Variants in SIRT2 observed in about 807,000 individuals in gnomAD.
The protein encoded by SIRT2 is NAD-dependent protein deacetylase sirtuin-2.
In SIRT2, 40 loss-of-function variants were observed where a neutral mutation model predicts 57.4. That is an observed-to-expected ratio of 0.70 (90% CI 0.54 to 0.91). SIRT2 has a LOEUF of 0.91. SIRT2 is among the 40% of genes least tolerant of loss of function. SIRT2 has a pLI of 0.00. For missense variants in SIRT2, 439 were observed against 510.4 expected (o/e 0.86, Z 1.35); for synonymous variants, 161 against 195.7 (o/e 0.82, Z 1.48).
Position 38,899,615 on chromosome 19 carries a change from G to T in SIRT2, c.-94C>A. On this transcript the variant is annotated 5_prime_UTR_variant, in exon 1 of 16. Coordinates refer to ENST00000249396, the MANE Select transcript of SIRT2 (RefSeq NM_012237.4). ...TCACCGACTGCTCTGTCCTGTCACC[G>T]ACTGCTCTGTCCCGTGACGGCACCA... is the stretch of plus-strand genomic sequence containing the variant. 6.5e-7 allele frequency: 1 copy of T among 1,538,522 alleles called. No homozygotes were observed. Among genetic ancestry groups the T allele is most frequent in the South Asian group, 1.1e-5 (1 of 89,040 alleles).
At chr19:38,885,412 T>G (rs879901904) in intron 8 of SIRT2, among the ~76,000 whole-genome samples, 2 of 150,322 alleles carry the variant, frequency 1.3e-5, no homozygotes, top group African/African-American at 2.5e-5. Flanking sequence ...GCCACTGTTT[T>G]CTTTTCTTTT....
chr19:38,879,982 T>C (rs1429785259), intron 13 of SIRT2: 8 of 425,456 alleles, frequency 1.9e-5, no homozygotes, highest in Non-Finnish European at 3.0e-5. Flanking sequence ...CCCAGCACCA[T>C]GCCCGGCTAA....
intron 8 of SIRT2, among the ~76,000 whole-genome samples, chr19:38,884,153 G>A (rs1254273011): frequency 6.8e-6 from 1 of 147,994 alleles, no homozygotes; most frequent in African/African-American, 2.5e-5. Flanking sequence ...AAATATCTAT[G>A]AGGCCAGGCC....
At chr19:38,888,589 C>G (rs1249359087) in intron 8 of SIRT2, among the ~76,000 whole-genome samples, 2 of 152,136 alleles carry the variant, frequency 1.3e-5, no homozygotes, top group Non-Finnish European at 2.9e-5. Context: ...CTGACGTGTA[C>G]GAGACATGTT....
rs775550187 is a variant in SIRT2, at chr19:38,880,704, TTGA to T, written c.854_856del (p.Ile285del). On this transcript the variant is annotated inframe_deletion, in exon 13 of 16. Coordinates refer to ENST00000249396, the MANE Select transcript of SIRT2 (RefSeq NM_012237.4). The surrounding 1 kb of genome is among the most constrained non-coding windows in gnomAD (Gnocchi z 4.1). ...TCTTACCTGGCCAGCTTTCTCCTTGTTGATGAGCAGGCGAGGGGTGGAGAGGGG... is the reference window on the plus strand; with the variant it reads ...TCTTACCTGGCCAGCTTTCTCCTTGTTGAGCAGGCGAGGGGTGGAGAGGGG... 2.2e-4 allele frequency: 343 copies of T among 1,580,628 alleles called. No individual in the cohort carries two copies. The highest frequency in any genetic ancestry group is 2.9e-4 in the Non-Finnish European group (341 of 1,160,570).
At chr19:38,894,620 C>T (rs1183727408) in intron 2 of SIRT2, among the ~76,000 whole-genome samples, 1 of 152,122 alleles carries the variant, frequency 6.6e-6, no homozygotes, top group Non-Finnish European at 1.5e-5. Flanking sequence ...AATAATGTCC[C>T]AAGTCACTCT....
Position 38,880,488 on chromosome 19 carries a change from T to A in SIRT2, c.876+197A>T, listed in dbSNP as rs1973112473. 1 of 513,198 alleles carries A rather than the reference T, an allele frequency of 1.9e-6. No individual in the cohort carries two copies. Among genetic ancestry groups the A allele is most frequent in the African/African-American group, 1.9e-5 (1 of 52,188 alleles). 31.8% of individuals were successfully genotyped at this position (513,198 alleles called of 1,614,324 possible). ...CTATCTGGCTTCAGCTGGTTTGAGT[T>A]GGAATTCTATCACTTGCTCAAAAGG... On this transcript the variant is annotated intron_variant, in intron 13 of 15. Coordinates refer to ENST00000249396, the MANE Select transcript of SIRT2 (RefSeq NM_012237.4). The surrounding 1 kb of genome is among the most constrained non-coding windows in gnomAD (Gnocchi z 4.1).
At chr19:38,889,403 C>A in intron 7 of SIRT2, 1 of 697,058 alleles carries the variant, frequency 1.4e-6, no homozygotes. Flanking sequence ...ACCCAGGCAG[C>A]CCGGCTGCAG....
At chr19:38,889,405 C>T (rs574854788) in intron 7 of SIRT2, 4 of 695,954 alleles carry the variant, frequency 5.7e-6, no homozygotes, top group African/African-American at 1.8e-5. Context: ...CCAGGCAGCC[C>T]GGCTGCAGGG....
At chr19:38,885,385 G>T (rs909585655) in intron 8 of SIRT2, among the ~76,000 whole-genome samples, 1 of 151,402 alleles carries the variant, frequency 6.6e-6, no homozygotes, top group African/African-American at 2.4e-5. Flanking sequence ...GATTACAGGC[G>T]TGAGACACCA....
intron 9 of SIRT2, 34 bp downstream of exon 9, chr19:38,883,593 G>T: frequency 6.2e-7 from 1 of 1,604,940 alleles, no homozygotes; most frequent in South Asian, 1.1e-5. Flanking sequence ...GGTGCTGAGA[G>T]GAGGCCTGCC....
rs201249694 is a variant in SIRT2 at position 38,879,121 on chromosome 19, A to G, written c.*34T>C. ...CCCGGTTGGGGCTCAGCTGTCCCTG[A>G]GGAGCTCGGCATCCCGCCTGGGAGA... On this transcript the variant is annotated 3_prime_UTR_variant, in exon 16 of 16. Transcript: ENST00000249396. 66 of 1,538,332 alleles carry G rather than the reference A, an allele frequency of 4.3e-5. No homozygotes were observed. In the South Asian group the frequency reaches 8.3e-4, roughly 19 times the overall value.
At chr19:38,891,761 A>G (rs1973545136) in intron 4 of SIRT2, 2 of 412,500 alleles carry the variant, frequency 4.8e-6, no homozygotes, top group African/African-American at 2.1e-5. Flanking sequence ...TTTCATTACT[A>G]TCTCCTCCTG....
intron 3 of SIRT2, 53 bp from the exon 4 acceptor site, chr19:38,893,580 G>A (rs1204155123): frequency 7.5e-7 from 1 of 1,341,520 alleles, no homozygotes; most frequent in Non-Finnish European, 1.1e-6. Flanking sequence ...CCAGGGGCAT[G>A]GATGTCTCCG....
intron 2 of SIRT2, chr19:38,894,247 C>T (rs568188604): frequency 8.0e-6 from 2 of 251,506 alleles, no homozygotes; most frequent in East Asian, 1.0e-4. Flanking sequence ...CAGGCACGTG[C>T]CACCATGCCA....
intron 8 of SIRT2, among the ~76,000 whole-genome samples, chr19:38,885,811 G>A (rs1425809525): frequency 2.6e-5 from 4 of 151,728 alleles, no homozygotes; most frequent in Admixed American, 2.0e-4. Flanking sequence ...GGATGGTCTC[G>A]ATCTCCTGAC....
rs768299390 is a variant in SIRT2 at position 38,890,125 on chromosome 19, C to T, written c.246G>A (p.Leu82=). Reference sequence around the variant, plus strand: ...TACATGTGGAGATTCCAGCTCCCACCAAACAGATGACTCTGCGACCTGGAG... The same window carrying T: ...TACATGTGGAGATTCCAGCTCCCACTAAACAGATGACTCTGCGACCTGGAG... ...QSERCRRVIC[L]VGAGISTSAG... is the part of the protein sequence containing the mutation. Residue 82 remains leucine, a synonymous_variant, in exon 5 of 16, where the codon TTG becomes TTA. Transcript: ENST00000249396. 4.3e-6 allele frequency: 7 copies of T among 1,614,062 alleles called. No homozygotes were observed. The highest frequency in any genetic ancestry group is 4.0e-5 in the African/African-American group (3 of 74,924).
chr19:38,898,342 G>A lies in SIRT2; in HGVS notation c.63+37C>T, dbSNP rs200381723. Reference sequence around the variant, plus strand: ...CCAGTGTGGGATGTGGAACAAGTCCGTCTCTCTCCTCCCCTCCACCCTTTC... The same window carrying A: ...CCAGTGTGGGATGTGGAACAAGTCCATCTCTCTCCTCCCCTCCACCCTTTC... On this transcript the variant is annotated intron_variant, in intron 2 of 15. Coordinates refer to ENST00000249396, the MANE Select transcript of SIRT2 (RefSeq NM_012237.4). The A allele has an allele frequency of 1.6e-3, 2,222 of 1,410,842 alleles. 4 individuals are homozygous for A. Among genetic ancestry groups the A allele is most frequent in the Non-Finnish European group, 1.6e-3 (1,715 of 1,064,234 alleles). 87.4% of individuals were successfully genotyped at this position (1,410,842 alleles called of 1,614,324 possible). A position where few individuals can be genotyped will look rare whatever the true frequency, so the allele number is the denominator to read the frequency against.
chr19:38,881,686 TTTTC>T (rs969117301), intron 9 of SIRT2, among the ~76,000 whole-genome samples, 195 bp from the exon 10 acceptor site: 3 of 151,938 alleles, frequency 2.0e-5, no homozygotes, highest in African/African-American at 4.8e-5. Flanking sequence ...TTTTTTGTTT[TTTTC>T]TTTCTTTTTT....
Sources: gnomAD v4.1 joint callset for allele counts (sites outside exome capture counted in the v4.1 genomes callset) on GRCh38, gnomAD v4.1.1 for gene constraint, Gnocchi (gnomAD v3.1) non-coding constraint, MANE v1.5 for transcripts, NCBI Gene and HGNC (gene_info 2026-07-23, HGNC 2026-07-21) for gene names.